RBFOX3: variants seen among roughly 807,000 people sequenced by gnomAD.
The protein encoded by RBFOX3 is RNA binding protein fox-1 homolog 3.
RBFOX3 carries 17 observed loss-of-function variants against 48.7 expected under a neutral mutation model. The ratio of observed to expected loss-of-function variants is 0.35; its 90% CI spans 0.24 to 0.52. RBFOX3 has a LOEUF of 0.52. Among genes scored for constraint, RBFOX3 ranks in the 20% least tolerant of loss-of-function variants. RBFOX3 has a pLI of 0.94. For synonymous variants in RBFOX3, 212 were observed against 209.5 expected (o/e 1.01, Z -0.10); for missense variants, 382 against 497.5 (o/e 0.77, Z 2.21).
chr17:79,654,858 T>C, the RBFOX3 span, among the ~76,000 whole-genome samples: 2 of 152,210 alleles, frequency 1.3e-5, no homozygotes, highest in Non-Finnish European at 2.9e-5. Context: ...TCCCTCTCTC[T>C]GAAGCAACAT....
At chr17:79,371,526 C>T (rs886295645) in intron 2 of RBFOX3, among the ~76,000 whole-genome samples, 9 of 152,162 alleles carry the variant, frequency 5.9e-5, no homozygotes, top group African/African-American at 2.2e-4. Flanking sequence ...GAAGGCAGAG[C>T]ACTCCTTGCT....
intron 2 of RBFOX3, among the ~76,000 whole-genome samples, chr17:79,372,202 C>T (rs1176336330): frequency 1.3e-5 from 2 of 152,066 alleles, no homozygotes; most frequent in Non-Finnish European, 2.9e-5. Context: ...ACTGCCTGCC[C>T]GCAGGACTCT....
chr17:79,341,757 A>G (rs945282237), intron 2 of RBFOX3, among the ~76,000 whole-genome samples: 2 of 152,160 alleles, frequency 1.3e-5, no homozygotes, highest in Non-Finnish European at 2.9e-5. Flanking sequence ...CTCCCTGCAT[A>G]ACCATCTTAA....
chr17:79,202,309 G>C (rs2056879248), intron 4 of RBFOX3, among the ~76,000 whole-genome samples: 1 of 152,092 alleles, frequency 6.6e-6, no homozygotes. Context: ...GCAGCCCTGG[G>C]TAACTCTGGG....
Position 79,462,654 on chromosome 17 carries a change from A to G in RBFOX3, c.-175+19800T>C, listed in dbSNP as rs903264522. On this transcript the variant is annotated intron_variant, in intron 2 of 14. Transcript: ENST00000693108. ...TGCTCAGTGTCCTACAGCCCAAAAC[A>G]TCACTAGTGCTGAGGTTGAGAAGTC... is the stretch of plus-strand genomic sequence containing the variant. Among the ~76,000 whole-genome samples, 3 of 152,178 alleles carry G rather than the reference A, an allele frequency of 2.0e-5. No homozygotes were observed. In the East Asian group the frequency reaches 5.8e-4, roughly 29 times the overall value.
chr17:79,122,405 G>C (rs1265015828), intron 4 of RBFOX3, among the ~76,000 whole-genome samples: 1 of 152,210 alleles, frequency 6.6e-6, no homozygotes, highest in African/African-American at 2.4e-5. Flanking sequence ...GCTGTTCCTT[G>C]AACGTCTAGC....
chr17:79,501,073 C>G (rs895167959), intron 1 of RBFOX3, among the ~76,000 whole-genome samples: 3 of 152,182 alleles, frequency 2.0e-5, no homozygotes, highest in African/African-American at 4.8e-5. Context: ...GCACAGCGCA[C>G]GTGGCGTAAA....
chr17:79,506,864 A>G (rs1555778978), intron 1 of RBFOX3, among the ~76,000 whole-genome samples: 1 of 152,206 alleles, frequency 6.6e-6, no homozygotes, highest in East Asian at 1.9e-4. Context: ...ACCCTTCTCC[A>G]GTGCCCCCAC....
rs899792023 is a variant in RBFOX3, at chr17:79,195,118, G to A, written c.-34+40648C>T. Among the ~76,000 whole-genome samples the A allele has an allele frequency of 2.6e-5, 4 of 152,226 alleles. 1 individual carries two copies. Among genetic ancestry groups the A allele is most frequent in the African/African-American group, 9.6e-5 (4 of 41,562 alleles). ...AGCCTCTCAAGAAGAAGTGCAGGCC[G>A]GGTGCCGTGGCTGATGCCTGTAATC... On this transcript the variant is annotated intron_variant, in intron 4 of 14. Transcript: ENST00000693108. This position sits in a 1 kb window ranked among gnomAD's most constrained non-coding sequence, Gnocchi z 5.3.
intron 1 of RBFOX3, among the ~76,000 whole-genome samples, chr17:79,595,931 C>T (rs1028608978): frequency 1.2e-4 from 19 of 152,216 alleles, no homozygotes; most frequent in African/African-American, 4.6e-4. Context: ...TAATCACGAG[C>T]GTACTCCCCT....
chr17:79,615,616 C>T (rs2093990678), upstream of RBFOX3, among the ~76,000 whole-genome samples: 2 of 152,310 alleles, frequency 1.3e-5, no homozygotes, highest in South Asian at 2.1e-4. Context: ...TGTGCCCGGC[C>T]GGCTCGGGCC....
intron 1 of RBFOX3, among the ~76,000 whole-genome samples, chr17:79,605,244 C>T (rs1341692918): frequency 1.3e-5 from 2 of 152,170 alleles, no homozygotes; most frequent in African/African-American, 4.8e-5. Context: ...CCTTGGCACA[C>T]AGGATTCTCC....
intron 1 of RBFOX3, among the ~76,000 whole-genome samples, chr17:79,515,679 C>A (rs1401901149): frequency 6.6e-6 from 1 of 152,148 alleles, no homozygotes; most frequent in Non-Finnish European, 1.5e-5. Context: ...CCTAAGTACC[C>A]ACCCTCCTCA....
chr17:79,337,542 G>A (rs974036115), intron 2 of RBFOX3, among the ~76,000 whole-genome samples: 3 of 152,230 alleles, frequency 2.0e-5, no homozygotes, highest in East Asian at 1.9e-4. Flanking sequence ...TTGGGAGGCC[G>A]AGGCGAGCAG....
chr17:79,517,444 C>CAAAAAAA (rs1231600861), intron 1 of RBFOX3, among the ~76,000 whole-genome samples: 7 of 94,910 alleles, frequency 7.4e-5, no homozygotes, highest in African/African-American at 2.9e-4. Context: ...GAGTCTGTCT[C>CAAAAAAA]AAAAAAAAAA....
At chr17:79,268,061 C>T (rs918246843) in intron 3 of RBFOX3, among the ~76,000 whole-genome samples, 6 of 152,222 alleles carry the variant, frequency 3.9e-5, no homozygotes, top group Non-Finnish European at 7.3e-5. Flanking sequence ...GTTTTCACCT[C>T]TTTCAACCCT....
intron 1 of RBFOX3, among the ~76,000 whole-genome samples, chr17:79,554,191 A>T (rs1452589753): frequency 6.6e-6 from 1 of 151,998 alleles, no homozygotes; most frequent in Non-Finnish European, 1.5e-5. Flanking sequence ...TCAGTGCATT[A>T]TTTTTTGTCC....
intron 4 of RBFOX3, among the ~76,000 whole-genome samples, chr17:79,119,155 A>G (rs973649411): frequency 2.0e-5 from 3 of 152,200 alleles, no homozygotes; most frequent in African/African-American, 7.2e-5. Context: ...GCTGAAGCCC[A>G]GAGCCCTGAG....
At chr17:79,651,914 T>C in the RBFOX3 span, among the ~76,000 whole-genome samples, 1 of 116,720 alleles carries the variant, frequency 8.6e-6, no homozygotes, top group Non-Finnish European at 1.7e-5. Flanking sequence ...CAAGCAGCCA[T>C]ATGGAGAGGC....
Sources: gnomAD v4.1 joint callset for allele counts (sites outside exome capture counted in the v4.1 genomes callset) on GRCh38, gnomAD v4.1.1 for gene constraint, Gnocchi (gnomAD v3.1) non-coding constraint, MANE v1.5 for transcripts, NCBI Gene and HGNC (gene_info 2026-07-23, HGNC 2026-07-21) for gene names.